Variants in VWA8 observed in about 807,000 individuals in gnomAD.
VWA8 encodes the protein von Willebrand factor A domain-containing protein 8.
In VWA8, 221 loss-of-function variants were observed where a neutral mutation model predicts 241.5. The ratio of observed to expected loss-of-function variants is 0.91; its 90% CI spans 0.82 to 1.02. The LOEUF (loss-of-function observed/expected upper bound fraction) is 1.02, where lower values mean the gene tolerates loss of function less well. VWA8 is among the 50% of genes least tolerant of loss of function. The probability of loss-of-function intolerance (pLI) is 0.00; values close to 1 mark genes in which losing one functional copy is unlikely to be tolerated. For missense variants in VWA8, 2,322 were observed against 2,328.7 expected, an observed-to-expected ratio of 1.00 and a Z score of 0.06; for synonymous variants, 852 against 827.1, an observed-to-expected ratio of 1.03 and a Z score of -0.52.
chr13:41,882,249 G>A (rs1312540397), intron 9 of VWA8, among the ~76,000 whole-genome samples: 5 of 151,398 alleles, frequency 3.3e-5, no homozygotes, highest in South Asian at 2.1e-4. Flanking sequence ...ATGGGATGGC[G>A]ACCGGGAAGA....
At chr13:41,636,167 GC>G (rs2044755397) in intron 37 of VWA8, among the ~76,000 whole-genome samples, 1 of 152,120 alleles carries the variant, frequency 6.6e-6, no homozygotes, top group South Asian at 2.1e-4. Context: ...GAGGCATCAT[GC>G]TACCTGACTT....
chr13:41,762,324 G>T (rs2137908079), intron 20 of VWA8, among the ~76,000 whole-genome samples: 1 of 152,186 alleles, frequency 6.6e-6, no homozygotes, highest in Middle Eastern at 3.4e-3. Context: ...CATGAGGTAG[G>T]CATTAAAATT....
intron 4 of VWA8, among the ~76,000 whole-genome samples, chr13:41,896,808 G>A (rs1875130549): frequency 6.6e-6 from 1 of 152,118 alleles, no homozygotes; most frequent in Non-Finnish European, 1.5e-5. Flanking sequence ...TGGTTGGTCA[G>A]AGTGCAAAAT....
intron 37 of VWA8, among the ~76,000 whole-genome samples, chr13:41,662,777 G>C (rs2044960370): frequency 6.6e-6 from 1 of 152,076 alleles, no homozygotes; most frequent in Non-Finnish European, 1.5e-5. Context: ...ATGTTGAATA[G>C]GAATGGTGAG....
At chr13:41,652,958 C>T (rs1320008983) in intron 37 of VWA8, among the ~76,000 whole-genome samples, 1 of 152,054 alleles carries the variant, frequency 6.6e-6, no homozygotes, top group Non-Finnish European at 1.5e-5. Context: ...TCACCGACAC[C>T]CTCCTGTGGT....
At chr13:41,700,859 A>G (rs1213176405) in intron 28 of VWA8, among the ~76,000 whole-genome samples, 1 of 152,182 alleles carries the variant, frequency 6.6e-6, no homozygotes, top group Non-Finnish European at 1.5e-5. Flanking sequence ...TTCTGTTTTT[A>G]TCACCTTAGT....
At chr13:41,681,347 G>A (rs1333726394) in intron 35 of VWA8, among the ~76,000 whole-genome samples, 2 of 152,036 alleles carry the variant, frequency 1.3e-5, no homozygotes, top group Non-Finnish European at 2.9e-5. Context: ...AGATGGCCCT[G>A]CATAAAGCCT....
Position 41,744,425 on chromosome 13 carries a change from C to T in VWA8, c.2427-12270G>A, listed in dbSNP as rs1157460132. 7.2e-5 allele frequency among the ~76,000 whole-genome samples: 11 copies of T among 152,156 alleles called. No individual in the cohort carries two copies. In the East Asian group the frequency reaches 7.7e-4, roughly 11 times the overall value. On this transcript the variant is annotated intron_variant, in intron 21 of 44. Transcript: ENST00000379310. ...AACATTATAGATACACCTCAGTTAA[C>T]GGAAATTAGCTAAGGAAGTTGTGAA... is the stretch of plus-strand genomic sequence containing the variant.
intron 2 of VWA8, among the ~76,000 whole-genome samples, chr13:41,924,157 T>C (rs912031246): frequency 1.3e-5 from 2 of 151,862 alleles, no homozygotes; most frequent in African/African-American, 4.8e-5. Context: ...GAAAATTCAA[T>C]GAAAACAGGA....
At chr13:41,718,168 C>T (rs1313262502) in intron 26 of VWA8, among the ~76,000 whole-genome samples, 1 of 151,762 alleles carries the variant, frequency 6.6e-6, no homozygotes, top group Non-Finnish European at 1.5e-5. Context: ...GCTTAGTTTC[C>T]ATAAAGCCAG....
chr13:41,833,865 A>C (rs1318795969), intron 12 of VWA8, among the ~76,000 whole-genome samples: 1 of 152,212 alleles, frequency 6.6e-6, no homozygotes, highest in Admixed American at 6.5e-5. Flanking sequence ...TAACTCAATC[A>C]GCTCTATTCC....
At chr13:41,587,405 G>A in intron 42 of VWA8, 107 bp downstream of exon 42, 5 of 1,418,786 alleles carry the variant, frequency 3.5e-6, no homozygotes, top group Non-Finnish European at 4.8e-6. Flanking sequence ...TGATGAATGA[G>A]CTGGTGAGAG....
intron 37 of VWA8, among the ~76,000 whole-genome samples, chr13:41,644,273 C>T (rs532988659): frequency 2.7e-5 from 4 of 150,136 alleles, no homozygotes; most frequent in African/African-American, 4.9e-5. Context: ...GTACCACCCC[C>T]GCCAAAAAAA....
intron 36 of VWA8, among the ~76,000 whole-genome samples, chr13:41,673,176 C>T (rs144046524): frequency 9.6e-4 from 146 of 152,278 alleles, no homozygotes; most frequent in African/African-American, 3.2e-3. Flanking sequence ...TACACAGCCA[C>T]ATATGAAAGC....
intron 14 of VWA8, among the ~76,000 whole-genome samples, chr13:41,827,693 T>A (rs1414884825): frequency 1.3e-5 from 2 of 152,208 alleles, no homozygotes; most frequent in Non-Finnish European, 2.9e-5. Context: ...GAAATAGAGC[T>A]AAGCCTAGTT....
chr13:41,863,450 TA>T (rs1873131690), intron 12 of VWA8, among the ~76,000 whole-genome samples: 1 of 107,702 alleles, frequency 9.3e-6, no homozygotes, highest in Non-Finnish European at 2.1e-5. Context: ...TATATATATA[TA>T]TATTCACACA....
intron 21 of VWA8, among the ~76,000 whole-genome samples, chr13:41,737,692 A>G (rs2045536425): frequency 6.6e-6 from 1 of 152,316 alleles, no homozygotes; most frequent in Non-Finnish European, 1.5e-5. Flanking sequence ...TGCTAAGTAA[A>G]TTTCAAATGT....
At chr13:41,928,699 A>C (rs536824298) in intron 2 of VWA8, among the ~76,000 whole-genome samples, 2 of 152,268 alleles carry the variant, frequency 1.3e-5, no homozygotes, top group Non-Finnish European at 2.9e-5. Flanking sequence ...AAATAAACCC[A>C]AAGTTAGCAG....
intron 37 of VWA8, among the ~76,000 whole-genome samples, chr13:41,644,298 G>C (rs2044816584): frequency 6.6e-6 from 1 of 151,940 alleles, no homozygotes; most frequent in Non-Finnish European, 1.5e-5. Context: ...CCAGAGTGTA[G>C]AGAGGTAGTT....
Sources: gnomAD v4.1 joint callset for allele counts (sites outside exome capture counted in the v4.1 genomes callset) on GRCh38, gnomAD v4.1.1 for gene constraint, MANE v1.5 for transcripts, NCBI Gene and HGNC (gene_info 2026-07-23, HGNC 2026-07-21) for gene names.